The following CACNB2 variants were observed in gnomAD, a reference collection of about 807,000 sequenced individuals.
CACNB2 encodes the protein calcium voltage-gated channel auxiliary subunit beta 2.
In CACNB2, 42 loss-of-function variants were observed where a neutral mutation model predicts 73.3. The observed-to-expected ratio is 0.57, with a 90% confidence interval of 0.45 to 0.74. The LOEUF (loss-of-function observed/expected upper bound fraction) is 0.74. Among genes scored for constraint, CACNB2 ranks in the 30% least tolerant of loss-of-function variants. The pLI is 0.00. For synonymous variants in CACNB2, 348 were observed against 310.3 expected, an observed-to-expected ratio of 1.12 and a Z score of -1.28; for missense variants, 940 against 853.0, an observed-to-expected ratio of 1.10 and a Z score of -1.27.
At chr10:18,177,152 T>C (rs2033641568) in intron 2 of CACNB2, among the ~76,000 whole-genome samples, 1 of 152,014 alleles carries the variant, frequency 6.6e-6, no homozygotes. Context: ...AGATCACCCA[T>C]CAAATCATGT....
intron 2 of CACNB2, among the ~76,000 whole-genome samples, chr10:18,194,432 A>G (rs1231261325): frequency 2.6e-5 from 4 of 152,080 alleles, no homozygotes; most frequent in Admixed American, 2.0e-4. Flanking sequence ...GGATTCTAGA[A>G]TCTTCTAGAA....
At chr10:18,460,480 T>G (rs563036019) in intron 3 of CACNB2, among the ~76,000 whole-genome samples, 7 of 152,212 alleles carry the variant, frequency 4.6e-5, no homozygotes, top group Non-Finnish European at 1.0e-4. Context: ...TTCTATTTTT[T>G]CCTGTGGGAG....
At chr10:18,469,731 T>A (rs117633470) in intron 3 of CACNB2, among the ~76,000 whole-genome samples, 1 of 152,206 alleles carries the variant, frequency 6.6e-6, no homozygotes, top group Non-Finnish European at 1.5e-5. Flanking sequence ...TCAACAGTGT[T>A]TTCATGGTTT....
intron 2 of CACNB2, among the ~76,000 whole-genome samples, chr10:18,358,537 T>TCTCTCTCTCTCTCG (rs2042018666): frequency 2.9e-5 from 1 of 34,362 alleles, no homozygotes; most frequent in African/African-American, 1.0e-4. Flanking sequence ...TCTCTCTCTC[T>TCTCTCTCTCTCTCG]CTCTCTCTCT....
At chr10:18,384,191 A>G (rs1031453875) in intron 2 of CACNB2, among the ~76,000 whole-genome samples, 2 of 152,190 alleles carry the variant, frequency 1.3e-5, no homozygotes, top group Admixed American at 6.5e-5. Flanking sequence ...TAGGACCAGC[A>G]TATGGTGTCT....
intron 2 of CACNB2, among the ~76,000 whole-genome samples, chr10:18,356,031 G>GTGCC (rs2041896048): frequency 1.3e-5 from 2 of 152,126 alleles, no homozygotes; most frequent in Admixed American, 6.6e-5. Context: ...TTTCTGTAAG[G>GTGCC]ATTGCTCCAC....
Position 18,152,735 on chromosome 10 carries a change from A to AAAC in CACNB2, c.213+1762_213+1763insCAA, listed in dbSNP as rs766493326. Among the ~76,000 whole-genome samples the AAAC allele has an allele frequency of 5.5e-3, 667 of 121,066 alleles. 8 individuals are homozygous for AAAC. Among genetic ancestry groups the AAAC allele is most frequent in the Non-Finnish European group, 8.3e-3 (515 of 62,188 alleles). 79.4% of individuals were successfully genotyped at this position (121,066 alleles called of 152,430 possible). On this transcript the variant is annotated intron_variant, in intron 2 of 13. Coordinates refer to ENST00000324631, the MANE Select transcript of CACNB2 (RefSeq NM_201596.3). ...AAAAAAAAAAAAAAAAAAAAAAACA[A>AAAC]AAAACAAAACACTAGCTCCTTAGTG...
chr10:18,516,656 T>C (rs1406415157), intron 7 of CACNB2, among the ~76,000 whole-genome samples: 1 of 152,256 alleles, frequency 6.6e-6, no homozygotes, highest in Non-Finnish European at 1.5e-5. Context: ...TGGTATTCAT[T>C]CTTCTTATGT....
chr10:18,512,795 G>C (rs528301860), intron 6 of CACNB2, among the ~76,000 whole-genome samples: 2 of 152,184 alleles, frequency 1.3e-5, no homozygotes, highest in African/African-American at 4.8e-5. Flanking sequence ...TCTGCAAAAA[G>C]TTGTCAAGAT....
intron 2 of CACNB2, chr10:18,234,289 G>C (rs570862092): frequency 6.6e-6 from 1 of 152,160 alleles, no homozygotes; most frequent in East Asian, 1.9e-4. Context: ...AAGCAGTTTT[G>C]GTAGGAATGG....
intron 2 of CACNB2, among the ~76,000 whole-genome samples, chr10:18,336,449 T>C (rs1381696529): frequency 6.6e-6 from 1 of 152,104 alleles, no homozygotes; most frequent in Non-Finnish European, 1.5e-5. Flanking sequence ...CAAAACCTCA[T>C]CTCTACTAAA....
chr10:18,434,485 T>G (rs1035637588), intron 3 of CACNB2, among the ~76,000 whole-genome samples: 1 of 152,216 alleles, frequency 6.6e-6, no homozygotes, highest in Non-Finnish European at 1.5e-5. Flanking sequence ...TGGGTGATTT[T>G]CAGGACACAA....
chr10:18,526,416 T>C (rs983452332), intron 9 of CACNB2, among the ~76,000 whole-genome samples: 9 of 152,224 alleles, frequency 5.9e-5, no homozygotes, highest in Non-Finnish European at 1.2e-4. Context: ...TAGGGTCTTG[T>C]ACCACACAGG....
At chr10:18,215,328 C>T (rs985252509) in intron 2 of CACNB2, among the ~76,000 whole-genome samples, 1 of 152,096 alleles carries the variant, frequency 6.6e-6, no homozygotes, top group Non-Finnish European at 1.5e-5. Flanking sequence ...TCATGACCAT[C>T]GGAGCGGGTC....
chr10:18,520,713 C>A (rs2051783522), intron 9 of CACNB2, among the ~76,000 whole-genome samples: 1 of 152,196 alleles, frequency 6.6e-6, no homozygotes, highest in African/African-American at 2.4e-5. Flanking sequence ...TCTCACCCTG[C>A]CGTACTTACT....
At chr10:18,221,256 A>G (rs2035782294) in intron 2 of CACNB2, among the ~76,000 whole-genome samples, 1 of 151,772 alleles carries the variant, frequency 6.6e-6, no homozygotes, top group African/African-American at 2.4e-5. Flanking sequence ...CAATAGCAGT[A>G]CTGTTGATTG....
At chr10:18,384,950 T>C (rs370278410) in intron 2 of CACNB2, among the ~76,000 whole-genome samples, 26 of 152,142 alleles carry the variant, frequency 1.7e-4, no homozygotes, top group African/African-American at 5.3e-4. Flanking sequence ...TTCTCAACCT[T>C]GGCTGAACAG....
chr10:18,481,183 A>T (rs537575164), intron 3 of CACNB2, among the ~76,000 whole-genome samples: 35 of 109,280 alleles, frequency 3.2e-4, no homozygotes, highest in Non-Finnish European at 5.2e-5. Context: ...TGATAATATT[A>T]CATCTTCGCT....
chr10:18,267,213 A>ATAGC (rs1181277195), intron 2 of CACNB2, among the ~76,000 whole-genome samples: 3 of 151,978 alleles, frequency 2.0e-5, no homozygotes, highest in African/African-American at 7.3e-5. Context: ...TTTATTAATA[A>ATAGC]TAGCTTTTAA....
Sources: gnomAD v4.1 joint callset for allele counts (sites outside exome capture counted in the v4.1 genomes callset) on GRCh38, gnomAD v4.1.1 for gene constraint, MANE v1.5 for transcripts, NCBI Gene and HGNC (gene_info 2026-07-23, HGNC 2026-07-21) for gene names.